The following ASAP1 variants were observed in gnomAD, a reference collection of about 807,000 sequenced individuals.
ASAP1 encodes arf-GAP with SH3 domain, ANK repeat and PH domain-containing protein 1.
ASAP1 carries 43 observed loss-of-function variants against 145.2 expected under a neutral mutation model. The observed-to-expected ratio is 0.30, with a 90% CI of 0.23 to 0.38. The LOEUF is 0.38. ASAP1 is among the 10% of genes least tolerant of loss of function. The pLI, the probability that ASAP1 is intolerant of heterozygous loss-of-function variation, is 1.00. For missense variants in ASAP1, 1,018 were observed against 1,355.3 expected (o/e 0.75, Z 3.91); for synonymous variants, 546 against 515.5 (o/e 1.06, Z -0.80).
At chr8:130,272,003 A>T (rs1047117489) in intron 3 of ASAP1, among the ~76,000 whole-genome samples, 4 of 152,126 alleles carry the variant, frequency 2.6e-5, no homozygotes, top group Admixed American at 1.3e-4. Context: ...AAATAAATTT[A>T]AAAAAAGACT....
intron 16 of ASAP1, among the ~76,000 whole-genome samples, chr8:130,127,459 C>T (rs992804543): frequency 3.9e-5 from 6 of 152,134 alleles, no homozygotes; most frequent in African/African-American, 1.4e-4. Flanking sequence ...TCAAGTGATC[C>T]GCCCGCCTCA....
intron 14 of ASAP1, among the ~76,000 whole-genome samples, chr8:130,135,306 C>G (rs2097591943): frequency 6.6e-6 from 1 of 152,100 alleles, no homozygotes; most frequent in Non-Finnish European, 1.5e-5. Flanking sequence ...GCTTCAGCAA[C>G]AGAGACCCTG....
chr8:130,422,717 G>A (rs549436692), intron 1 of ASAP1, among the ~76,000 whole-genome samples: 1 of 152,292 alleles, frequency 6.6e-6, no homozygotes, highest in African/African-American at 2.4e-5. Flanking sequence ...TCCCATAAAG[G>A]GGACAGGAGC....
At position 130,337,127 on chromosome 8, in the gene ASAP1, T is replaced by G. The variant is rs187398094; in HGVS notation, c.186+20890A>C. Among the ~76,000 whole-genome samples the G allele has an allele frequency of 4.0e-4, 61 of 152,292 alleles. 1 individual carries two copies. The East Asian group carries it at 0.01, about 26-fold the overall frequency. On this transcript the variant is annotated intron_variant, in intron 3 of 29. Coordinates refer to ENST00000518721, the MANE Select transcript of ASAP1 (RefSeq NM_018482.4). Reference sequence around the variant, plus strand: ...GAGGAAATAAGGAAAGGCTTGGGCATCAACAGCAAGAAAATAATGCCACAG... The same window carrying G: ...GAGGAAATAAGGAAAGGCTTGGGCAGCAACAGCAAGAAAATAATGCCACAG...
intron 24 of ASAP1, among the ~76,000 whole-genome samples, chr8:130,104,027 A>G (rs888478648): frequency 6.6e-6 from 1 of 152,114 alleles, no homozygotes; most frequent in African/African-American, 2.4e-5. Flanking sequence ...ATTCTCTACC[A>G]TACATTACAG....
Position 130,212,464 on chromosome 8 carries a change from C to A in ASAP1, c.405+2092G>T, listed in dbSNP as rs77710315. Among the ~76,000 whole-genome samples the A allele has an allele frequency of 9.2e-5, 14 of 152,128 alleles. No individual in the cohort carries two copies. In the East Asian group the frequency reaches 2.1e-3, roughly 23 times the overall value. ...CAACCAGAGCATGAGGTGACAGAGG[C>A]AGGATATTGTAGAAGAGCAAAGGCA... On this transcript the variant is annotated intron_variant, in intron 5 of 29. Coordinates refer to ENST00000518721, the MANE Select transcript of ASAP1 (RefSeq NM_018482.4).
At chr8:130,308,915 G>A (rs548106200) in intron 3 of ASAP1, among the ~76,000 whole-genome samples, 75 of 152,056 alleles carry the variant, frequency 4.9e-4, no homozygotes, top group African/African-American at 1.4e-3. Context: ...GGTGGTGTGC[G>A]CCTCAAAAAA....
intron 15 of ASAP1, among the ~76,000 whole-genome samples, chr8:130,130,271 T>C (rs1028494884): frequency 6.6e-6 from 1 of 152,242 alleles, no homozygotes; most frequent in Non-Finnish European, 1.5e-5. Flanking sequence ...ACTGAAGTTA[T>C]ATGACTTGCC....
rs753333869 is a variant in ASAP1, at chr8:130,299,476, G to A, written c.186+58541C>T. On this transcript the variant is annotated intron_variant, in intron 3 of 29. Transcript: ENST00000518721. Reference sequence around the variant, plus strand: ...CTTGGTTGTATGCCCAACACTATATGGCACAGTACCTTTCTCATCCTCATC... The same window carrying A: ...CTTGGTTGTATGCCCAACACTATATAGCACAGTACCTTTCTCATCCTCATC... Among the ~76,000 whole-genome samples the A allele has an allele frequency of 2.2e-4, 33 of 152,218 alleles. 1 individual carries two copies. The highest frequency in any genetic ancestry group is 3.4e-3 in the Middle Eastern group (1 of 294).
chr8:130,211,847 G>C (rs931885522), intron 5 of ASAP1, among the ~76,000 whole-genome samples: 2 of 152,160 alleles, frequency 1.3e-5, no homozygotes, highest in African/African-American at 2.4e-5. Flanking sequence ...AATTTCTACT[G>C]TATCAGTTTG....
chr8:130,184,251 G>A (rs1472077660), intron 7 of ASAP1, among the ~76,000 whole-genome samples: 1 of 152,224 alleles, frequency 6.6e-6, no homozygotes, highest in Non-Finnish European at 1.5e-5. Flanking sequence ...CACAATGGAT[G>A]AACAAGGGTG....
At chr8:130,266,551 C>T (rs1820257114) in intron 3 of ASAP1, among the ~76,000 whole-genome samples, 1 of 152,044 alleles carries the variant, frequency 6.6e-6, no homozygotes, top group Non-Finnish European at 1.5e-5. Context: ...TGACTCACAT[C>T]AGGCCATATA....
chr8:130,268,618 A>T (rs1179597006), intron 3 of ASAP1, among the ~76,000 whole-genome samples: 1 of 152,148 alleles, frequency 6.6e-6, no homozygotes, highest in Non-Finnish European at 1.5e-5. Context: ...GAAGATGGTA[A>T]CGGTTAAAAC....
intron 1 of ASAP1, among the ~76,000 whole-genome samples, chr8:130,404,841 G>C (rs556640823): frequency 6.6e-6 from 1 of 152,256 alleles, no homozygotes; most frequent in South Asian, 2.1e-4. Context: ...CTGTTCCCAA[G>C]TCTATTCCTC....
intron 4 of ASAP1, among the ~76,000 whole-genome samples, chr8:130,220,367 T>A (rs1356440224): frequency 6.6e-6 from 1 of 152,238 alleles, no homozygotes; most frequent in Non-Finnish European, 1.5e-5. Context: ...AGTACATTAC[T>A]TCATTCACTC....
intron 3 of ASAP1, among the ~76,000 whole-genome samples, chr8:130,317,460 A>G (rs1409232317): frequency 1.3e-5 from 2 of 152,210 alleles, no homozygotes; most frequent in South Asian, 2.1e-4. Flanking sequence ...ATGAGTTTCT[A>G]TGATTCCAGA....
intron 5 of ASAP1, among the ~76,000 whole-genome samples, chr8:130,193,117 C>T (rs1004887930): frequency 1.3e-5 from 2 of 152,142 alleles, no homozygotes; most frequent in African/African-American, 2.4e-5. Flanking sequence ...ACCTCCAATC[C>T]CAGCATTTTG....
At chr8:130,112,030 G>T in intron 24 of ASAP1, 64 bp downstream of exon 24, 2 of 1,462,732 alleles carry the variant, frequency 1.4e-6, no homozygotes, top group South Asian at 2.4e-5. Context: ...TAGACTATCA[G>T]CTCTGAGGAT....
intron 1 of ASAP1, among the ~76,000 whole-genome samples, chr8:130,413,749 C>T (rs1829360642): frequency 6.6e-6 from 1 of 152,144 alleles, no homozygotes; most frequent in Non-Finnish European, 1.5e-5. Flanking sequence ...CTCATGGAAT[C>T]CCTATATATC....
Sources: allele counts gnomAD v4.1 joint callset (sites outside exome capture counted in the v4.1 genomes callset), GRCh38; gene constraint gnomAD v4.1.1; transcripts MANE v1.5; gene names NCBI Gene and HGNC (gene_info 2026-07-23, HGNC 2026-07-21).